The following SLC9A4 variants were observed in gnomAD, a reference collection of about 807,000 sequenced individuals.
SLC9A4 encodes the protein solute carrier family 9 member A4.
A neutral mutation model predicts 67.4 loss-of-function variants in SLC9A4; 63 were observed. The ratio of observed to expected loss-of-function variants is 0.93; its 90% CI spans 0.76 to 1.15. The LOEUF (loss-of-function observed/expected upper bound fraction) is 1.15, where lower values mean the gene tolerates loss of function less well. Among genes scored for constraint, SLC9A4 ranks in the 50% most tolerant of loss-of-function variants. SLC9A4 has a pLI of 0.00. For missense variants in SLC9A4, 1,089 were observed against 987.7 expected, an observed-to-expected ratio of 1.10 and a Z score of -1.38; for synonymous variants, 393 against 367.2, an observed-to-expected ratio of 1.07 and a Z score of -0.80.
intron 2 of SLC9A4, among the ~76,000 whole-genome samples, chr2:102,497,358 G>C (rs1043681239): frequency 6.6e-6 from 1 of 152,138 alleles, no homozygotes; most frequent in Non-Finnish European, 1.5e-5. Context: ...CTACAAAAAA[G>C]GCTTGTACAT....
intron 2 of SLC9A4, among the ~76,000 whole-genome samples, chr2:102,480,180 T>G (rs911429372): frequency 1.3e-5 from 2 of 152,136 alleles, no homozygotes; most frequent in Non-Finnish European, 2.9e-5. Context: ...CCTCACCTCC[T>G]CCTCTATGAA....
chr2:102,495,461 G>A (rs11687071), intron 2 of SLC9A4, among the ~76,000 whole-genome samples: 107,639 of 151,850 alleles, frequency 0.71, 38,855 homozygotes, highest in Middle Eastern at 0.77. Flanking sequence ...GATTCAATAA[G>A]AGCCCATCAA....
chr2:102,478,518 CGA>C (rs1442407457), intron 1 of SLC9A4, among the ~76,000 whole-genome samples: 2 of 152,190 alleles, frequency 1.3e-5, no homozygotes, highest in Non-Finnish European at 2.9e-5. Context: ...TGGGCTTGCA[CGA>C]GTGCAAAAGT....
chr2:102,526,596 T>A (rs370672785), intron 11 of SLC9A4, among the ~76,000 whole-genome samples: 1 of 152,342 alleles, frequency 6.6e-6, no homozygotes, highest in Middle Eastern at 3.4e-3. Flanking sequence ...CCCTTAAAAA[T>A]GTACTAACCA....
rs776066497 is a variant in SLC9A4 at position 102,519,941 on chromosome 2, C to G, written c.1804C>G (p.Gln602Glu). The G allele has an allele frequency of 1.2e-6, 2 of 1,613,470 alleles. No individual in the cohort carries two copies. Among genetic ancestry groups the G allele is most frequent in the South Asian group, 2.2e-5 (2 of 91,030 alleles). ...GGACATTCTGACATCCAACATGTAC[C>G]AAGTTCGGCAAAGGGTGTGTATGAG... ...IRDILTSNMY[Q>E]VRQRTLSYNK... Residue 602 changes from glutamine (Q) to glutamate (E), a missense_variant, in exon 9 of 12, where the codon CAA (glutamine) becomes GAA (glutamate). Transcript: ENST00000295269.
chr2:102,505,207 G>C (rs762774545), intron 3 of SLC9A4, 47 bp from the exon 4 acceptor site: 3 of 1,575,528 alleles, frequency 1.9e-6, no homozygotes, highest in Non-Finnish European at 2.6e-6. Flanking sequence ...GTTTTGTGGA[G>C]GGGGAAAACC....
intron 6 of SLC9A4, among the ~76,000 whole-genome samples, chr2:102,510,897 G>A (rs1320878542): frequency 1.3e-5 from 2 of 152,202 alleles, no homozygotes; most frequent in Non-Finnish European, 2.9e-5. Context: ...ATACCACTGT[G>A]TACAGCTCCA....
At chr2:102,511,525 C>T (rs1685162500) in intron 6 of SLC9A4, among the ~76,000 whole-genome samples, 1 of 151,798 alleles carries the variant, frequency 6.6e-6, no homozygotes, top group Non-Finnish European at 1.5e-5. Context: ...AAACAAAATT[C>T]AGAAGCCAGT....
chr2:102,525,003 G>A, intron 9 of SLC9A4, 21 bp from the exon 10 acceptor site: 1 of 1,613,366 alleles, frequency 6.2e-7, no homozygotes, highest in Non-Finnish European at 8.5e-7. Flanking sequence ...TTACGTATTT[G>A]ACATTCCATT....
chr2:102,526,127 A>T lies in SLC9A4; in HGVS notation c.1951-132A>T, dbSNP rs1674660253. 5 of 826,826 alleles carry T rather than the reference A, an allele frequency of 6.0e-6. No homozygotes were observed. In the Admixed American group the frequency reaches 1.0e-4, roughly 17 times the overall value. The allele number at this position is 826,826 out of a possible 1,614,324, so 51.2% of individuals were successfully genotyped here. A position where few individuals can be genotyped will look rare whatever the true frequency, so the allele number is the denominator to read the frequency against. ...GGTCTTGAACCCCTGACCTCAGGTG[A>T]TCCGCCCTCTTCTGCCTCCCAAAGT... On this transcript the variant is annotated intron_variant, in intron 10 of 11. Transcript: ENST00000295269.
Position 102,479,720 on chromosome 2 carries a change from T to C in SLC9A4, c.720+418T>C, listed in dbSNP as rs560508960. Among the ~76,000 whole-genome samples, 4 of 152,346 alleles carry C rather than the reference T, an allele frequency of 2.6e-5. 1 individual carries two copies. The highest frequency in any genetic ancestry group is 9.6e-5 in the African/African-American group (4 of 41,582). On this transcript the variant is annotated intron_variant, in intron 2 of 11. Transcript: ENST00000295269. ...TTTATATGCATTTTTGTTTTGTTTT[T>C]AACATACCACATTAGATTAGGTGAA...
chr2:102,481,517 A>G (rs1246336590), intron 2 of SLC9A4, among the ~76,000 whole-genome samples: 5 of 152,292 alleles, frequency 3.3e-5, no homozygotes, highest in African/African-American at 1.2e-4. Context: ...CAGATAAACA[A>G]TGAATAATTT....
At chr2:102,503,426 G>A in intron 2 of SLC9A4, 22 bp from the exon 3 acceptor site, 1 of 1,550,244 alleles carries the variant, frequency 6.5e-7, no homozygotes, top group Non-Finnish European at 8.8e-7. Flanking sequence ...ATTCATATTT[G>A]TTTACTCTCT....
chr2:102,505,990 C>T (rs1036789647), intron 4 of SLC9A4, among the ~76,000 whole-genome samples: 1 of 152,116 alleles, frequency 6.6e-6, no homozygotes, highest in African/African-American at 2.4e-5. Context: ...AGAAAACATC[C>T]CCCTAAATAG....
chr2:102,501,626 G>T (rs1488816124), intron 2 of SLC9A4, among the ~76,000 whole-genome samples: 1 of 152,012 alleles, frequency 6.6e-6, no homozygotes, highest in Non-Finnish European at 1.5e-5. Context: ...GGAGGGGCCA[G>T]AACTAGCTAG....
rs183125261 is a variant in SLC9A4 at position 102,522,448 on chromosome 2, C to G, written c.1818+2493C>G. On this transcript the variant is annotated intron_variant, in intron 9 of 11. Transcript: ENST00000295269. ...TTGCATGGACATTATATGCATAGAG[C>G]CTTCTATGCTCCCTGCAGATAGGCA... Among the ~76,000 whole-genome samples, 15 of 152,174 alleles carry G rather than the reference C, an allele frequency of 9.9e-5. No individual in the cohort carries two copies. In the East Asian group the frequency reaches 1.7e-3, roughly 18 times the overall value.
intron 4 of SLC9A4, 45 bp from the exon 5 acceptor site, chr2:102,508,034 C>T: frequency 1.3e-6 from 2 of 1,585,308 alleles, no homozygotes; most frequent in South Asian, 2.2e-5. Context: ...TGTATCTCTG[C>T]TCGTTCATGA....
intron 2 of SLC9A4, among the ~76,000 whole-genome samples, chr2:102,481,471 T>A (rs1684460239): frequency 6.6e-6 from 1 of 152,114 alleles, no homozygotes; most frequent in South Asian, 2.1e-4. Flanking sequence ...TTGACAAACT[T>A]AAAAAAATAC....
At chr2:102,501,987 A>G (rs1684951384) in intron 2 of SLC9A4, among the ~76,000 whole-genome samples, 1 of 152,132 alleles carries the variant, frequency 6.6e-6, no homozygotes, top group Non-Finnish European at 1.5e-5. Flanking sequence ...CACACAGTCC[A>G]TCTATGCTTC....
Sources: gnomAD v4.1 joint callset for allele counts (sites outside exome capture counted in the v4.1 genomes callset) on GRCh38, gnomAD v4.1.1 for gene constraint, MANE v1.5 for transcripts, NCBI Gene and HGNC (gene_info 2026-07-23, HGNC 2026-07-21) for gene names.